GALNT17: variants seen among roughly 807,000 people sequenced by gnomAD.
GALNT17 encodes the protein polypeptide N-acetylgalactosaminyltransferase 17.
A neutral mutation model predicts 63.7 loss-of-function variants in GALNT17; 29 were observed. The observed-to-expected ratio is 0.46, with a 90% CI of 0.34 to 0.62. GALNT17 has a LOEUF of 0.62. Among genes scored for constraint, GALNT17 ranks in the 20% least tolerant of loss-of-function variants. The probability of loss-of-function intolerance (pLI) is 0.01; values close to 1 mark genes in which losing one functional copy is unlikely to be tolerated. For synonymous variants in GALNT17, 305 were observed against 318.3 expected, an observed-to-expected ratio of 0.96 and a Z score of 0.45; for missense variants, 603 against 799.6, an observed-to-expected ratio of 0.75 and a Z score of 2.97.
At chr7:71,670,240 C>G in intron 8 of GALNT17, 131 bp downstream of exon 8, 1 of 1,248,858 alleles carries the variant, frequency 8.0e-7, no homozygotes, top group South Asian at 1.3e-5. Flanking sequence ...GCCCTGATAG[C>G]AAGATTCTCT....
intron 9 of GALNT17, among the ~76,000 whole-genome samples, chr7:71,679,778 G>C (rs891208277): frequency 1.3e-5 from 2 of 151,958 alleles, no homozygotes; most frequent in Non-Finnish European, 2.9e-5. Context: ...CGTCCCCAAG[G>C]CTGCGACAAC....
chr7:71,493,658 G>A lies in GALNT17; in HGVS notation c.962+72553G>A, dbSNP rs1250384259. On this transcript the variant is annotated intron_variant, in intron 5 of 10. Transcript: ENST00000333538. ...CCTATGATCCAATGATCTCCCCCAG[G>A]GATGGTCCCTCCCACAACATGTGAG... Among the ~76,000 whole-genome samples the A allele has an allele frequency of 2.0e-5, 3 of 152,130 alleles. No homozygotes were observed. The East Asian group carries it at 5.8e-4, about 29-fold the overall frequency.
chr7:71,180,719 TG>T (rs1384473358), intron 1 of GALNT17, among the ~76,000 whole-genome samples: 3 of 152,138 alleles, frequency 2.0e-5, no homozygotes, highest in African/African-American at 7.2e-5. Flanking sequence ...GTATTTCAGC[TG>T]GGAGACAAAA....
chr7:71,252,522 CA>C (rs1222495598), intron 1 of GALNT17, among the ~76,000 whole-genome samples: 1 of 151,830 alleles, frequency 6.6e-6, no homozygotes, highest in Admixed American at 6.6e-5. Flanking sequence ...GAGTCTGTGT[CA>C]AAAAAAGGTG....
intron 1 of GALNT17, among the ~76,000 whole-genome samples, chr7:71,260,109 C>G (rs1338565127): frequency 6.6e-6 from 1 of 152,100 alleles, no homozygotes; most frequent in Non-Finnish European, 1.5e-5. Context: ...CCTGGACTTG[C>G]AATAGAAGTT....
chr7:71,264,239 C>G (rs1790447109), intron 1 of GALNT17, among the ~76,000 whole-genome samples: 1 of 152,160 alleles, frequency 6.6e-6, no homozygotes, highest in Non-Finnish European at 1.5e-5. Flanking sequence ...GCCGCACATG[C>G]TTTCTTTATC....
At chr7:71,329,290 C>T (rs540442532) in intron 1 of GALNT17, among the ~76,000 whole-genome samples, 106 of 151,980 alleles carry the variant, frequency 7.0e-4, no homozygotes, top group Non-Finnish European at 1.3e-3. Context: ...AAATCCAGGG[C>T]GAATGAGTAA....
At chr7:71,371,562 C>CT (rs1325406482) in intron 2 of GALNT17, among the ~76,000 whole-genome samples, 1 of 152,006 alleles carries the variant, frequency 6.6e-6, no homozygotes, top group Non-Finnish European at 1.5e-5. Context: ...CTGTAAATGA[C>CT]TTTTTTGCAA....
intron 5 of GALNT17, among the ~76,000 whole-genome samples, chr7:71,570,643 T>G (rs543163851): frequency 6.6e-6 from 1 of 152,160 alleles, no homozygotes; most frequent in East Asian, 1.9e-4. Flanking sequence ...TTACCCCATC[T>G]ATGAGGGAGT....
intron 6 of GALNT17, among the ~76,000 whole-genome samples, chr7:71,632,249 C>CTT (rs1246385319): frequency 4.6e-5 from 7 of 152,158 alleles, no homozygotes; most frequent in Non-Finnish European, 1.0e-4. Flanking sequence ...CCACTGTGAG[C>CTT]TTTTGTCCCT....
chr7:71,633,431 G>A (rs953646196), intron 6 of GALNT17, among the ~76,000 whole-genome samples: 1 of 152,162 alleles, frequency 6.6e-6, no homozygotes, highest in African/African-American at 2.4e-5. Flanking sequence ...CTCTCCTGTC[G>A]GCTGATGGCT....
At position 71,616,925 on chromosome 7, in the gene GALNT17, T is replaced by TTCTTATAAGAATCATATTAAGAATA. The variant is rs1369791844; in HGVS notation, c.1080+45523_1080+45524insTCTTATAAGAATCATATTAAGAATA. On this transcript the variant is annotated intron_variant, in intron 6 of 10. Coordinates refer to ENST00000333538, the MANE Select transcript of GALNT17 (RefSeq NM_022479.3). Reference sequence around the variant, plus strand: ...TTATAAGAATCATATTAAGAATAAATAATTATTATATCATATGGTTAATAA... The same window carrying TTCTTATAAGAATCATATTAAGAATA: ...TTATAAGAATCATATTAAGAATAAATTCTTATAAGAATCATATTAAGAATAAATTATTATATCATATGGTTAATAA... Among the ~76,000 whole-genome samples the TTCTTATAAGAATCATATTAAGAATA allele has an allele frequency of 5.6e-4, 82 of 145,512 alleles. 1 individual carries two copies. The highest frequency in any genetic ancestry group is 1.9e-3 in the African/African-American group (77 of 40,216).
At chr7:71,589,750 G>T (rs977285390) in intron 6 of GALNT17, among the ~76,000 whole-genome samples, 1 of 152,224 alleles carries the variant, frequency 6.6e-6, no homozygotes, top group Admixed American at 6.5e-5. Flanking sequence ...AAGTCAACTT[G>T]TCCAAGGTCT....
chr7:71,305,861 T>C (rs1451183351), intron 1 of GALNT17, among the ~76,000 whole-genome samples: 3 of 151,972 alleles, frequency 2.0e-5, no homozygotes, highest in Non-Finnish European at 4.4e-5. Flanking sequence ...AGAAAAAAAA[T>C]CCAGGTACCG....
intron 5 of GALNT17, among the ~76,000 whole-genome samples, chr7:71,563,826 C>CCTTG (rs1789294539): frequency 6.6e-6 from 1 of 152,176 alleles, no homozygotes; most frequent in African/African-American, 2.4e-5. Flanking sequence ...AGTCCTCCCA[C>CCTTG]CTTGACCTCT....
chr7:71,162,061 C>CTTCCT (rs749886982), intron 1 of GALNT17, among the ~76,000 whole-genome samples: 1 of 56,768 alleles, frequency 1.8e-5, no homozygotes, highest in Non-Finnish European at 3.7e-5. Flanking sequence ...CCTCCCTTTC[C>CTTCCT]TTCCTTCCTT....
At chr7:71,339,492 G>T (rs1791970831) in intron 2 of GALNT17, among the ~76,000 whole-genome samples, 1 of 152,150 alleles carries the variant, frequency 6.6e-6, no homozygotes, top group Non-Finnish European at 1.5e-5. Flanking sequence ...TTCGAGACTA[G>T]CCTGGCCAAC....
At chr7:71,301,693 T>C (rs1310674743) in intron 1 of GALNT17, among the ~76,000 whole-genome samples, 1 of 152,038 alleles carries the variant, frequency 6.6e-6, no homozygotes, top group Non-Finnish European at 1.5e-5. Context: ...TGCGCAGTAT[T>C]GGACACTTAA....
intron 5 of GALNT17, among the ~76,000 whole-genome samples, chr7:71,539,268 C>G (rs930675913): frequency 5.9e-5 from 9 of 152,136 alleles, no homozygotes; most frequent in Non-Finnish European, 1.2e-4. Flanking sequence ...CCTTCATGCT[C>G]TCTCTGGGCG....
Sources: gnomAD v4.1 joint callset for allele counts (sites outside exome capture counted in the v4.1 genomes callset) on GRCh38, gnomAD v4.1.1 for gene constraint, MANE v1.5 for transcripts, NCBI Gene and HGNC (gene_info 2026-07-23, HGNC 2026-07-21) for gene names.